Variants in MMUT observed in about 807,000 individuals in gnomAD.
MMUT encodes the protein methylmalonyl-CoA mutase, mitochondrial.
In MMUT, 79 loss-of-function variants were observed where a neutral mutation model predicts 79.9. The observed-to-expected ratio is 0.99, with a 90% CI of 0.82 to 1.19. The LOEUF (loss-of-function observed/expected upper bound fraction) is 1.19. Among genes scored for constraint, MMUT ranks in the 50% most tolerant of loss-of-function variants. MMUT has a pLI of 0.00. For synonymous variants in MMUT, 273 were observed against 295.7 expected (o/e 0.92, Z 0.79); for missense variants, 860 against 917.2 (o/e 0.94, Z 0.81).
chr6:49,448,809 A>G lies in MMUT; in HGVS notation c.1444+7T>C, dbSNP rs1767475370. On this transcript the variant is annotated splice_region_variant and intron_variant, in intron 7 of 12. Coordinates refer to ENST00000274813, the MANE Select transcript of MMUT (RefSeq NM_000255.4). Reference sequence around the variant, plus strand: ...GATTTCATATATGAACTTTCTCACTATCTTACCAGAATCTATTCTAGCTTG... The same window carrying G: ...GATTTCATATATGAACTTTCTCACTGTCTTACCAGAATCTATTCTAGCTTG... The G allele has an allele frequency of 1.9e-6, 3 of 1,598,386 alleles. No individual in the cohort carries two copies. The highest frequency in any genetic ancestry group is 1.3e-5 in the African/African-American group (1 of 74,684).
At chr6:49,462,974 T>C (rs1767894780) in intron 1 of MMUT, 129 bp downstream of exon 1, 2 of 151,912 alleles carry the variant, frequency 1.3e-5, no homozygotes, top group Admixed American at 1.3e-4. Context: ...CCCGTCACAG[T>C]AGGAAGGTAA....
At chr6:49,441,623 T>C (rs1337512847) in intron 10 of MMUT, among the ~76,000 whole-genome samples, 2 of 149,060 alleles carry the variant, frequency 1.3e-5, no homozygotes, top group African/African-American at 4.9e-5. Flanking sequence ...GTATCATGTA[T>C]GATATATTTC....
At position 49,459,158 on chromosome 6, in the gene MMUT, C is replaced by A; in HGVS notation, c.309G>T (p.Arg103Ser). 6.2e-7 allele frequency: 1 copy of A among 1,614,124 alleles called. No homozygotes were observed. The highest frequency in any genetic ancestry group is 8.5e-7 in the Non-Finnish European group (1 of 1,180,016). ...RGPYPTMYTF[R>S]PWTIRQYAGF... ...CAGCATACTGGCGGATGGTCCAGGG[C>A]CTAAAGGTATACATGGTAGGATATG... The change falls in exon 2 of 13, where the codon AGG becomes AGT. Residue 103 changes from arginine to serine, a missense_variant. By Grantham distance (110) the Arg-to-Ser change is moderately radical. Coordinates refer to ENST00000274813, the MANE Select transcript of MMUT (RefSeq NM_000255.4).
intron 12 of MMUT, among the ~76,000 whole-genome samples, chr6:49,432,623 G>A (rs1001304087): frequency 4.6e-5 from 7 of 152,188 alleles, no homozygotes; most frequent in Middle Eastern, 3.4e-3. Flanking sequence ...TCCTGACCTC[G>A]TGATCCGCCC....
At chr6:49,457,653 G>GAAATATA in intron 3 of MMUT, 38 bp downstream of exon 3, 1 of 1,557,156 alleles carries the variant, frequency 6.4e-7, no homozygotes. Context: ...CTACATTCAA[G>GAAATATA]GAACTATAGA....
intron 2 of MMUT, 67 bp downstream of exon 2, chr6:49,459,015 C>T: frequency 1.3e-6 from 2 of 1,491,380 alleles, no homozygotes; most frequent in Admixed American, 3.6e-5. Context: ...AGATTAACCC[C>T]CAAAAAATAA....
At position 49,456,196 on chromosome 6, in the gene MMUT, A is replaced by G. The variant is rs1767683143; in HGVS notation, c.795T>C (p.His265=). 1 of 1,612,058 alleles carries G rather than the reference A, an allele frequency of 6.2e-7. No homozygotes were observed. Among genetic ancestry groups the G allele is most frequent in the Non-Finnish European group, 8.5e-7 (1 of 1,178,148 alleles). Residue 265 remains histidine (H), a synonymous_variant, in exon 4 of 13, where the codon CAT becomes CAC. Transcript: ENST00000274813. ...TGGCATCAGCCCCTGCTTCCTGCATATGGTATCCACTAATTGAAATTGAAT... is the reference window on the plus strand; with the variant it reads ...TGGCATCAGCCCCTGCTTCCTGCATGTGGTATCCACTAATTGAAATTGAAT... The part of the protein sequence containing the change: ...KFNSISISGY[H]MQEAGADAIL...
intron 12 of MMUT, among the ~76,000 whole-genome samples, chr6:49,433,003 A>T (rs1228337799): frequency 6.6e-6 from 1 of 152,186 alleles, no homozygotes; most frequent in Middle Eastern, 3.2e-3. Context: ...ATATTCTTAT[A>T]ATACTATAAT....
chr6:49,454,972 G>T (rs1379409002), intron 4 of MMUT, among the ~76,000 whole-genome samples: 1 of 152,064 alleles, frequency 6.6e-6, no homozygotes, highest in Non-Finnish European at 1.5e-5. Flanking sequence ...CTTAAGCCTG[G>T]CAGGCTGAGG....
Position 49,447,873 on chromosome 6 carries a change from A to G in MMUT, c.1445-88T>C, listed in dbSNP as rs930646587. 6.4e-6 allele frequency: 5 copies of G among 777,916 alleles called. No individual in the cohort carries two copies. In the African/African-American group the frequency reaches 8.8e-5, roughly 14 times the overall value. The allele number at this position is 777,916 out of a possible 1,614,324, so 48.2% of individuals were successfully genotyped here. A position where few individuals can be genotyped will look rare whatever the true frequency, so the allele number is the denominator to read the frequency against. Reference sequence around the variant, plus strand: ...ATGATGTATTTTCCTTATAAATTTAATATCTTTAAGTAGTATTCTTAATTC... The same window carrying G: ...ATGATGTATTTTCCTTATAAATTTAGTATCTTTAAGTAGTATTCTTAATTC... On this transcript the variant is annotated intron_variant, in intron 7 of 12. Transcript: ENST00000274813.
chr6:49,442,513 G>A (rs993183766), intron 9 of MMUT, among the ~76,000 whole-genome samples: 1 of 152,002 alleles, frequency 6.6e-6, no homozygotes, highest in African/African-American at 2.4e-5. Flanking sequence ...GGATGCAGAT[G>A]ATAAATAACT....
chr6:49,460,539 G>GA (rs1767816065), intron 1 of MMUT, among the ~76,000 whole-genome samples: 1 of 152,176 alleles, frequency 6.6e-6, no homozygotes, highest in African/African-American at 2.4e-5. Context: ...TCATTTTCCA[G>GA]ATGTAGAAAC....
Position 49,431,690 on chromosome 6 carries a change from A to T in MMUT, c.*38T>A. ...ACTCTCTTCTTTGATCATAACTAAA[A>T]TAATATTTTAGACAAAAGCTAAAAC... On this transcript the variant is annotated 3_prime_UTR_variant, in exon 13 of 13. Coordinates refer to ENST00000274813, the MANE Select transcript of MMUT (RefSeq NM_000255.4). 6.3e-7 allele frequency: 1 copy of T among 1,590,916 alleles called. No homozygotes were observed. The highest frequency in any genetic ancestry group is 1.7e-4 in the Middle Eastern group (1 of 6,004).
rs369902876 is a variant in MMUT, at chr6:49,444,708, G to A, written c.1607C>T (p.Ala536Val). 4.3e-6 allele frequency: 7 copies of A among 1,613,336 alleles called. No homozygotes were observed. The African/African-American group carries it at 5.3e-5, about 12-fold the overall frequency. Residue 536 changes from alanine (A) to valine (V), a missense_variant, in exon 9 of 13, where the codon GCA becomes GTA. Coordinates refer to ENST00000274813, the MANE Select transcript of MMUT (RefSeq NM_000255.4). The part of the protein sequence containing the change: ...DQALAERCLA[A>V]LTECAASGDG... ...TCCGCTAGCAGCACATTCGGTTAGT[G>A]CAGCAAGACAACGTTCAGCCAAAGC...
chr6:49,441,993 C>G, intron 9 of MMUT, 22 bp from the exon 10 acceptor site: 1 of 1,597,632 alleles, frequency 6.3e-7, no homozygotes, highest in East Asian at 2.2e-5. Flanking sequence ...AATGGTGGTT[C>G]CATTAACTTC....
intron 8 of MMUT, among the ~76,000 whole-genome samples, chr6:49,446,170 C>T (rs368644190): frequency 4.0e-5 from 6 of 151,558 alleles, no homozygotes; most frequent in East Asian, 1.9e-4. Flanking sequence ...TTAGGGCTGA[C>T]GGTTACAGAA....
At chr6:49,451,412 A>G in intron 6 of MMUT, 54 bp downstream of exon 6, 2 of 1,579,846 alleles carry the variant, frequency 1.3e-6, no homozygotes, top group East Asian at 2.3e-5. Flanking sequence ...AAATCTATAA[A>G]TCTTTACAAA....
At chr6:49,460,270 T>A (rs1305223067) in intron 1 of MMUT, among the ~76,000 whole-genome samples, 1 of 152,118 alleles carries the variant, frequency 6.6e-6, no homozygotes, top group Non-Finnish European at 1.5e-5. Context: ...AAGAGGTAGG[T>A]ACTATTATTA....
At position 49,459,154 on chromosome 6, in the gene MMUT, A is replaced by G. The variant is rs121918249; in HGVS notation, c.313T>C (p.Trp105Arg). The stretch of plus-strand genomic sequence containing the variant: ...AAACCAGCATACTGGCGGATGGTCC[A>G]GGGCCTAAAGGTATACATGGTAGGA... ...PYPTMYTFRP[W>R]TIRQYAGFST... The change falls in exon 2 of 13, where the codon TGG becomes CGG. Residue 105 changes from tryptophan (W) to arginine (R), a missense_variant. Trp to Arg is a moderately radical substitution (Grantham distance 101). Coordinates refer to ENST00000274813, the MANE Select transcript of MMUT (RefSeq NM_000255.4). The G allele has an allele frequency of 6.2e-6, 10 of 1,614,084 alleles. No individual in the cohort carries two copies. The South Asian group carries it at 6.6e-5, about 11-fold the overall frequency.
Sources: allele counts gnomAD v4.1 joint callset (sites outside exome capture counted in the v4.1 genomes callset), GRCh38; gene constraint gnomAD v4.1.1; transcripts MANE v1.5; gene names NCBI Gene and HGNC (gene_info 2026-07-23, HGNC 2026-07-21).